The following RNF150 variants were observed in gnomAD, a reference collection of about 807,000 sequenced individuals.
RNF150 encodes ring finger protein 150.
In RNF150, 24 loss-of-function variants were observed where a neutral mutation model predicts 39.3. The ratio of observed to expected loss-of-function variants is 0.61; its 90% CI spans 0.44 to 0.86. RNF150 has a LOEUF of 0.86. Ranked by LOEUF, RNF150 falls within the 40% of genes least tolerant of loss-of-function variation. The probability of loss-of-function intolerance (pLI) is 0.00; values close to 1 mark genes in which losing one functional copy is unlikely to be tolerated. For missense variants in RNF150, 502 were observed against 587.8 expected, an observed-to-expected ratio of 0.85 and a Z score of 1.51; for synonymous variants, 255 against 227.3, an observed-to-expected ratio of 1.12 and a Z score of -1.10.
At chr4:140,953,129 T>C (rs1050159089) in intron 2 of RNF150, among the ~76,000 whole-genome samples, 4 of 152,234 alleles carry the variant, frequency 2.6e-5, no homozygotes, top group Non-Finnish European at 5.9e-5. Context: ...TGGTCCATTT[T>C]TGACCAAAAC....
At position 140,867,975 on chromosome 4, in the gene RNF150, A is replaced by C. The variant is rs1728778222; in HGVS notation, c.*286T>G. 3 of 310,848 alleles carry C rather than the reference A, an allele frequency of 9.7e-6. No individual in the cohort carries two copies. Among genetic ancestry groups the C allele is most frequent in the Admixed American group, 4.9e-5 (1 of 20,248 alleles). 19.3% of individuals were successfully genotyped at this position (310,848 alleles called of 1,614,324 possible). A position where few individuals can be genotyped will look rare whatever the true frequency, so the allele number is the denominator to read the frequency against. Reference sequence around the variant, plus strand: ...TAAGAAATCCTAAAGGTGGCCTTTCAGTCTCTGTTTTAGGAGCTTCTGAAG... The same window carrying C: ...TAAGAAATCCTAAAGGTGGCCTTTCCGTCTCTGTTTTAGGAGCTTCTGAAG... On this transcript the variant is annotated 3_prime_UTR_variant, in exon 7 of 7. Coordinates refer to ENST00000515673, the MANE Select transcript of RNF150 (RefSeq NM_020724.2).
In RNF150 at chr4:141,132,779, G is replaced by T; in HGVS notation, c.30C>A (p.Cys10Ter). The change falls in exon 1 of 7, where the codon TGC becomes TGA. Residue 10 changes from cysteine (C) to a stop codon, truncating the protein, a stop_gained. Coordinates refer to ENST00000515673, the MANE Select transcript of RNF150 (RefSeq NM_020724.2). LOFTEE classifies it high-confidence loss of function. This position sits in a 1 kb window ranked among gnomAD's most constrained non-coding sequence, Gnocchi z 4.9. The stretch of plus-strand genomic sequence containing the variant: ...GCAGCCATGTTGAGAGAGCCAGACT[G>T]CAGCACGCTTGGATGAGAGACATTG... MAMSLIQAC[C>*]SLALSTWLLS... The T allele has an allele frequency of 6.2e-7, 1 of 1,610,000 alleles. No homozygotes were observed. Among genetic ancestry groups the T allele is most frequent in the Non-Finnish European group, 8.5e-7 (1 of 1,178,294 alleles).
intron 1 of RNF150, among the ~76,000 whole-genome samples, chr4:141,024,873 GT>G (rs1735632699): frequency 6.6e-6 from 1 of 152,150 alleles, no homozygotes; most frequent in African/African-American, 2.4e-5. Flanking sequence ...AGAGGTAACA[GT>G]TACAAGAATC....
intron 1 of RNF150, among the ~76,000 whole-genome samples, chr4:141,031,004 A>G (rs1333541483): frequency 6.6e-6 from 1 of 152,010 alleles, no homozygotes; most frequent in Non-Finnish European, 1.5e-5. Flanking sequence ...TTTTTAAAAA[A>G]CAATCCTATT....
chr4:141,114,594 T>C (rs1454797203), intron 1 of RNF150, among the ~76,000 whole-genome samples: 1 of 152,164 alleles, frequency 6.6e-6, no homozygotes, highest in East Asian at 1.9e-4. Context: ...GCCGGTACCA[T>C]TCCTTCTGAA....
At chr4:140,878,175 T>TG (rs1465944841) in intron 6 of RNF150, among the ~76,000 whole-genome samples, 3 of 147,626 alleles carry the variant, frequency 2.0e-5, no homozygotes, top group East Asian at 1.9e-4. Flanking sequence ...TTTTTTTTTT[T>TG]TTTTTTTTTT....
intron 6 of RNF150, among the ~76,000 whole-genome samples, chr4:140,871,626 CA>C (rs1728948557): frequency 6.6e-6 from 1 of 151,824 alleles, no homozygotes; most frequent in African/African-American, 2.4e-5. Flanking sequence ...TTATGACTTT[CA>C]TATGGGTCCA....
intron 2 of RNF150, among the ~76,000 whole-genome samples, chr4:140,957,493 C>A (rs35617636): frequency 6.6e-6 from 1 of 152,122 alleles, no homozygotes; most frequent in Non-Finnish European, 1.5e-5. Flanking sequence ...GTCGGTGTGG[C>A]GATTCCTCAG....
chr4:140,958,947 C>T (rs1402823081), intron 2 of RNF150, among the ~76,000 whole-genome samples: 1 of 152,118 alleles, frequency 6.6e-6, no homozygotes, highest in East Asian at 1.9e-4. Context: ...ACTTCTCTTT[C>T]CATGCCATCA....
chr4:141,089,834 C>T (rs1339491942), intron 1 of RNF150, among the ~76,000 whole-genome samples: 3 of 152,146 alleles, frequency 2.0e-5, no homozygotes, highest in Admixed American at 1.3e-4. Flanking sequence ...ACTCAAGATA[C>T]CTGAAGGCAA....
At chr4:141,027,102 G>A (rs192950837) in intron 1 of RNF150, among the ~76,000 whole-genome samples, 25 of 152,210 alleles carry the variant, frequency 1.6e-4, no homozygotes, top group East Asian at 1.5e-3. Context: ...AGCTCTTGTC[G>A]GCTGACAATG....
At chr4:141,144,122 A>C (rs1231476888) in intron 1 of RNF150, among the ~76,000 whole-genome samples, 1 of 129,464 alleles carries the variant, frequency 7.7e-6, no homozygotes, top group Non-Finnish European at 1.6e-5. Context: ...TTGCTGGGGG[A>C]AAAAAAACCC....
intron 1 of RNF150, among the ~76,000 whole-genome samples, chr4:141,167,318 A>T (rs887218417): frequency 2.3e-5 from 1 of 42,584 alleles, no homozygotes; most frequent in Non-Finnish European, 5.7e-5. Flanking sequence ...GTGGAAAAAC[A>T]GTCCATGCTC....
intron 1 of RNF150, among the ~76,000 whole-genome samples, chr4:141,020,868 C>T (rs1045162133): frequency 7.9e-5 from 12 of 151,924 alleles, no homozygotes; most frequent in South Asian, 2.1e-4. Flanking sequence ...TTGCATTGGA[C>T]GTGAAAATAA....
At chr4:140,891,171 A>G (rs1042013887) in intron 6 of RNF150, among the ~76,000 whole-genome samples, 5 of 152,278 alleles carry the variant, frequency 3.3e-5, no homozygotes, top group East Asian at 1.9e-4. Flanking sequence ...ACTTTTTTTT[A>G]TAACAGTGGC....
At chr4:141,177,077 A>C (rs1439846303) in intron 1 of RNF150, among the ~76,000 whole-genome samples, 2 of 150,546 alleles carry the variant, frequency 1.3e-5, no homozygotes, top group African/African-American at 2.5e-5. Context: ...AAAAAAAACA[A>C]AGAAAAAAGA....
chr4:141,202,970 A>G (rs567716960), intron 1 of RNF150, among the ~76,000 whole-genome samples: 96 of 151,498 alleles, frequency 6.3e-4, no homozygotes, highest in African/African-American at 2.1e-3. Flanking sequence ...GTTTTTTGTG[A>G]AAATGCTGAA....
chr4:141,128,207 A>C (rs566047570), intron 1 of RNF150, among the ~76,000 whole-genome samples: 50 of 152,312 alleles, frequency 3.3e-4, no homozygotes, highest in Non-Finnish European at 5.4e-4. Flanking sequence ...CAATGCTTAG[A>C]AGGGCTAACA....
Position 141,132,957 on chromosome 4 carries a change from C to A in RNF150, c.-149G>T. On this transcript the variant is annotated 5_prime_UTR_variant, in exon 1 of 7. Coordinates refer to ENST00000515673, the MANE Select transcript of RNF150 (RefSeq NM_020724.2). The surrounding 1 kb of genome is among the most constrained non-coding windows in gnomAD (Gnocchi z 4.9). The stretch of plus-strand genomic sequence containing the variant: ...GGGCCGCGGCCGGGACGCGCAGCCG[C>A]CGCGGGGACCGGATTCCGGGCGAGC... 1.7e-6 allele frequency: 1 copy of A among 598,068 alleles called. No homozygotes were observed. Among genetic ancestry groups the A allele is most frequent in the Non-Finnish European group, 2.8e-6 (1 of 356,518 alleles). The allele number at this position is 598,068 out of a possible 1,614,324, so 37.0% of individuals were successfully genotyped here.
Sources: gnomAD v4.1 joint callset for allele counts (sites outside exome capture counted in the v4.1 genomes callset) on GRCh38, gnomAD v4.1.1 for gene constraint, Gnocchi (gnomAD v3.1) non-coding constraint, MANE v1.5 for transcripts, NCBI Gene and HGNC (gene_info 2026-07-23, HGNC 2026-07-21) for gene names.